CAMTA1: variants seen among roughly 807,000 people sequenced by gnomAD.
The protein encoded by CAMTA1 is calmodulin binding transcription activator 1, also known as calmodulin-binding transcription activator 1.
CAMTA1 carries 27 observed loss-of-function variants against 170.9 expected under a neutral mutation model. That is an observed-to-expected ratio of 0.16 (90% CI 0.12 to 0.22). The LOEUF is 0.22. CAMTA1 is among the 10% of genes least tolerant of loss of function. The probability of loss-of-function intolerance (pLI) is 1.00; values close to 1 mark genes in which losing one functional copy is unlikely to be tolerated. For missense variants in CAMTA1, 1,619 were observed against 2,217.2 expected (o/e 0.73, Z 5.42); for synonymous variants, 833 against 891.5 (o/e 0.93, Z 1.17).
chr1:6,819,858 C>T (rs1022760875), intron 1 of CAMTA1, among the ~76,000 whole-genome samples: 3 of 152,204 alleles, frequency 2.0e-5, no homozygotes, highest in African/African-American at 7.2e-5. Context: ...TCCTACTCTC[C>T]AGTCCTAAAG....
intron 3 of CAMTA1, among the ~76,000 whole-genome samples, chr1:6,878,452 G>A (rs1252346380): frequency 1.3e-5 from 2 of 152,100 alleles, no homozygotes; most frequent in Non-Finnish European, 2.9e-5. Flanking sequence ...TAAATTAGAG[G>A]GCTATCATTC....
In CAMTA1 at chr1:6,954,046, T is replaced by C. The variant is rs57521503; in HGVS notation, c.234+128836T>C. 8.3e-3 allele frequency among the ~76,000 whole-genome samples: 1,262 copies of C among 152,306 alleles called. 23 individuals are homozygous for C. Among genetic ancestry groups the C allele is most frequent in the African/African-American group, 0.029 (1,222 of 41,580 alleles). On this transcript the variant is annotated intron_variant, in intron 3 of 22. Coordinates refer to ENST00000303635, the MANE Select transcript of CAMTA1 (RefSeq NM_015215.4). ...TGCCTGGGAAGGATGCCTGCGTGGC[T>C]TGAACCCTGACCTCCACCATCAGCC...
intron 5 of CAMTA1, among the ~76,000 whole-genome samples, chr1:7,436,578 G>A (rs972835982): frequency 6.6e-5 from 10 of 152,154 alleles, no homozygotes; most frequent in East Asian, 5.8e-4. Flanking sequence ...GGGTGAGGTC[G>A]GTAAGGGGTC....
rs1291304951 is a variant in CAMTA1, at chr1:7,602,032, G to C, written c.511-38368G>C. Among the ~76,000 whole-genome samples, 2 of 147,224 alleles carry C rather than the reference G, an allele frequency of 1.4e-5. 1 individual carries two copies. Among genetic ancestry groups the C allele is most frequent in the African/African-American group, 5.2e-5 (2 of 38,806 alleles). ...AGGGAGAGGGAGAGGAGGGAGAGGA[G>C]GGAGAGGGAGAGGAGGGAGAGGGAG... On this transcript the variant is annotated intron_variant, in intron 6 of 22. Coordinates refer to ENST00000303635, the MANE Select transcript of CAMTA1 (RefSeq NM_015215.4).
At chr1:7,273,720 C>T (rs557961087) in intron 5 of CAMTA1, among the ~76,000 whole-genome samples, 3 of 152,098 alleles carry the variant, frequency 2.0e-5, no homozygotes, top group African/African-American at 7.2e-5. Flanking sequence ...AAAGAAGTGA[C>T]GTTTATGGTG....
At position 7,767,139 on chromosome 1, in the gene CAMTA1, T is replaced by C. The variant is rs1162190681; in HGVS notation, c.*648T>C. 6.5e-6 allele frequency: 1 copy of C among 152,784 alleles called. No homozygotes were observed. The highest frequency in any genetic ancestry group is 1.5e-5 in the Non-Finnish European group (1 of 68,066). The allele number at this position is 152,784 out of a possible 1,614,324, so 9.5% of individuals were successfully genotyped here. Reference sequence around the variant, plus strand: ...GCAGGTTTTTAATGTCTTGTGGAAATTTGCAGAGGGGCAGGTGTGTGGTAA... The same window carrying C: ...GCAGGTTTTTAATGTCTTGTGGAAACTTGCAGAGGGGCAGGTGTGTGGTAA... On this transcript the variant is annotated 3_prime_UTR_variant, in exon 23 of 23. Coordinates refer to ENST00000303635, the MANE Select transcript of CAMTA1 (RefSeq NM_015215.4).
intron 6 of CAMTA1, among the ~76,000 whole-genome samples, chr1:7,599,691 T>G (rs1215844795): frequency 1.3e-5 from 2 of 152,238 alleles, no homozygotes; most frequent in Non-Finnish European, 2.9e-5. Context: ...TATTTTATTC[T>G]CTTTGAAGCA....
At chr1:6,946,827 C>T (rs1002617398) in intron 3 of CAMTA1, among the ~76,000 whole-genome samples, 8 of 152,112 alleles carry the variant, frequency 5.3e-5, no homozygotes, top group Admixed American at 3.3e-4. Flanking sequence ...GATGATGTTC[C>T]GTTTAGTTTT....
At chr1:7,636,602 G>A (rs894736565) in intron 6 of CAMTA1, among the ~76,000 whole-genome samples, 5 of 152,032 alleles carry the variant, frequency 3.3e-5, no homozygotes, top group Non-Finnish European at 7.4e-5. Context: ...CCAGCTGCTC[G>A]GGAGGCTGAG....
At chr1:7,478,903 G>A (rs895009300) in intron 6 of CAMTA1, among the ~76,000 whole-genome samples, 1 of 152,220 alleles carries the variant, frequency 6.6e-6, no homozygotes, top group African/African-American at 2.4e-5. Flanking sequence ...AGGGGAGACT[G>A]TAGTTTCCAA....
chr1:7,181,775 A>AGGAC (rs1558214501), intron 4 of CAMTA1, among the ~76,000 whole-genome samples: 1 of 151,082 alleles, frequency 6.6e-6, no homozygotes, highest in Non-Finnish European at 1.5e-5. Flanking sequence ...CATCATAAAA[A>AGGAC]AGTTTGTCCC....
At chr1:7,177,380 C>G (rs959710393) in intron 4 of CAMTA1, among the ~76,000 whole-genome samples, 2 of 150,264 alleles carry the variant, frequency 1.3e-5, no homozygotes, top group African/African-American at 4.9e-5. Context: ...ACCAATGCCT[C>G]TCCCCCAACA....
At chr1:7,507,603 G>C (rs1193420806) in intron 6 of CAMTA1, among the ~76,000 whole-genome samples, 1 of 152,230 alleles carries the variant, frequency 6.6e-6, no homozygotes, top group Admixed American at 6.5e-5. Context: ...TTTCCGAGGA[G>C]CCCTGCAAGA....
intron 6 of CAMTA1, among the ~76,000 whole-genome samples, chr1:7,536,443 C>T (rs978670411): frequency 2.6e-5 from 4 of 152,112 alleles, no homozygotes; most frequent in African/African-American, 7.2e-5. Context: ...GCTGTGGGTT[C>T]GGTTTCTCTG....
At chr1:7,039,686 G>C (rs1553226812) in intron 3 of CAMTA1, among the ~76,000 whole-genome samples, 2 of 152,216 alleles carry the variant, frequency 1.3e-5, no homozygotes, top group Non-Finnish European at 2.9e-5. Context: ...CTAAAAGGCA[G>C]AAAGATGAGG....
chr1:6,785,517 C>G lies in CAMTA1; in HGVS notation c.-14C>G. On this transcript the variant is annotated 5_prime_UTR_variant, in exon 1 of 23. Transcript: ENST00000303635. Reference sequence around the variant, plus strand: ...AGGCGCGCGCTCGGGGTCCCGGTCGCGAGGAGGAGGAGGATGTGGCGCGCG... The same window carrying G: ...AGGCGCGCGCTCGGGGTCCCGGTCGGGAGGAGGAGGAGGATGTGGCGCGCG... 1.9e-6 allele frequency: 2 copies of G among 1,044,118 alleles called. No individual in the cohort carries two copies. The highest frequency in any genetic ancestry group is 3.4e-5 in the South Asian group (1 of 29,502). The allele number at this position is 1,044,118 out of a possible 1,614,324, so 64.7% of individuals were successfully genotyped here.
intron 6 of CAMTA1, among the ~76,000 whole-genome samples, chr1:7,491,413 C>G (rs2093701018): frequency 6.6e-6 from 1 of 152,194 alleles, no homozygotes; most frequent in Admixed American, 6.5e-5. Flanking sequence ...CAAAACTAAC[C>G]CTGAATCCCC....
At chr1:7,749,707 G>T in intron 19 of CAMTA1, 1 of 430,732 alleles carries the variant, frequency 2.3e-6, no homozygotes, top group South Asian at 1.7e-5. Flanking sequence ...ATTGATTCTG[G>T]TTTTTAATTT....
intron 9 of CAMTA1, among the ~76,000 whole-genome samples, chr1:7,666,262 A>G (rs2096001127): frequency 1.3e-5 from 2 of 152,110 alleles, no homozygotes; most frequent in African/African-American, 2.4e-5. Flanking sequence ...ACCAAAAACC[A>G]AAAATCTCTC....
Sources: gnomAD v4.1 joint callset for allele counts (sites outside exome capture counted in the v4.1 genomes callset) on GRCh38, gnomAD v4.1.1 for gene constraint, MANE v1.5 for transcripts, NCBI Gene and HGNC (gene_info 2026-07-23, HGNC 2026-07-21) for gene names.